ARID1B: variants seen among roughly 807,000 people sequenced by gnomAD.
ARID1B encodes AT-rich interactive domain-containing protein 1B.
A neutral mutation model predicts 212.3 loss-of-function variants in ARID1B; 30 were observed. That is an observed-to-expected ratio of 0.14 (90% CI 0.11 to 0.19). The LOEUF is 0.19. Ranked by LOEUF, ARID1B falls within the 10% of genes least tolerant of loss-of-function variation. The probability of loss-of-function intolerance (pLI) is 1.00; values close to 1 mark genes in which losing one functional copy is unlikely to be tolerated. For missense variants in ARID1B, 2,891 were observed against 3,204.0 expected, an observed-to-expected ratio of 0.90 and a Z score of 2.36; for synonymous variants, 1,402 against 1,301.7, an observed-to-expected ratio of 1.08 and a Z score of -1.66.
In ARID1B at chr6:157,200,554, C is replaced by A; in HGVS notation, c.4480-151C>A. 1 of 844,062 alleles carries A rather than the reference C, an allele frequency of 1.2e-6. No individual in the cohort carries two copies. The highest frequency in any genetic ancestry group is 1.8e-6 in the Non-Finnish European group (1 of 561,512). 52.3% of individuals were successfully genotyped at this position (844,062 alleles called of 1,614,324 possible). ...GTGTATATAATACTGAAATATTGAA[C>A]ATAAATTGTTAGTTCTCTGTTGTTA... is the stretch of plus-strand genomic sequence containing the variant. On this transcript the variant is annotated intron_variant, in intron 17 of 19. Coordinates refer to ENST00000636930, the MANE Select transcript of ARID1B (RefSeq NM_001374828.1). This position sits in a 1 kb window ranked among gnomAD's most constrained non-coding sequence, Gnocchi z 4.3.
Position 156,990,172 on chromosome 6 carries a change from A to AC in ARID1B, c.2247+54597dup. On this transcript the variant is annotated intron_variant, in intron 4 of 19. Coordinates refer to ENST00000636930, the MANE Select transcript of ARID1B (RefSeq NM_001374828.1). ...ACTGGTTACAGAACAGATTTCCTTA[A>AC]CTTTTTTTTTTTTTTTTTTTAAAGA... Among the ~76,000 whole-genome samples, 3 of 123,394 alleles carry AC rather than the reference A, an allele frequency of 2.4e-5. 1 individual carries two copies. The highest frequency in any genetic ancestry group is 5.4e-4 in the South Asian group (2 of 3,690). 81.0% of individuals were successfully genotyped at this position (123,394 alleles called of 152,430 possible). A position where few individuals can be genotyped will look rare whatever the true frequency, so the allele number is the denominator to read the frequency against.
rs1428525651 is a variant in ARID1B at position 157,196,280 on chromosome 6, C to T, written c.4347C>T (p.Arg1449=). 23 of 1,604,402 alleles carry T rather than the reference C, an allele frequency of 1.4e-5. No homozygotes were observed. Among genetic ancestry groups the T allele is most frequent in the Non-Finnish European group, 2.0e-5 (23 of 1,177,802 alleles). ...GAMSNLGMGQ[R]QQFPYGASYD... is the part of the protein sequence containing the mutation. ...TGTCTAACCTGGGCATGGGGCAGCG[C>T]CAGCAGTTTCCCTATGGAGCCAGTT... The change falls in exon 16 of 20, where the codon CGC becomes CGT. Residue 1449 remains arginine (R), a synonymous_variant. Coordinates refer to ENST00000636930, the MANE Select transcript of ARID1B (RefSeq NM_001374828.1).
intron 4 of ARID1B, chr6:156,942,399 C>T (rs901888815): frequency 6.6e-6 from 1 of 152,144 alleles, no homozygotes; most frequent in African/African-American, 2.4e-5. Context: ...TTCCAGTGAC[C>T]TCTGTGAGGC....
At chr6:156,817,578 G>A (rs1782054434) in intron 1 of ARID1B, among the ~76,000 whole-genome samples, 1 of 151,652 alleles carries the variant, frequency 6.6e-6, no homozygotes, top group African/African-American at 2.4e-5. Context: ...TGTGTGAGCT[G>A]ATTGCACCAC....
chr6:157,052,225 C>T (rs1428983359), intron 4 of ARID1B, among the ~76,000 whole-genome samples: 3 of 152,296 alleles, frequency 2.0e-5, no homozygotes, highest in South Asian at 2.1e-4. Flanking sequence ...AACTGATCCT[C>T]GTATATTGTT....
chr6:156,884,241 C>A (rs1252925287), intron 2 of ARID1B, among the ~76,000 whole-genome samples: 1 of 152,146 alleles, frequency 6.6e-6, no homozygotes, highest in African/African-American at 2.4e-5. Flanking sequence ...CATTTGACAG[C>A]CATTACTCTA....
At chr6:156,987,612 G>A (rs910344039) in intron 4 of ARID1B, among the ~76,000 whole-genome samples, 1 of 152,188 alleles carries the variant, frequency 6.6e-6, no homozygotes, top group Non-Finnish European at 1.5e-5. Context: ...TTACAGGCGT[G>A]AGCCACCACG....
At chr6:156,818,315 C>G (rs1782120603) in intron 1 of ARID1B, among the ~76,000 whole-genome samples, 1 of 151,686 alleles carries the variant, frequency 6.6e-6, no homozygotes, top group African/African-American at 2.4e-5. Flanking sequence ...TGGCAAGCAC[C>G]CTTTGTCCCA....
At position 156,955,793 on chromosome 6, in the gene ARID1B, C is replaced by T. The variant is rs1168023777; in HGVS notation, c.2247+20217C>T. 6.6e-6 allele frequency among the ~76,000 whole-genome samples: 1 copy of T among 152,246 alleles called. No homozygotes were observed. The highest frequency in any genetic ancestry group is 1.9e-4 in the East Asian group (1 of 5,182). ...CAAGGCAGAAGATACTCGCCCTGGA[C>T]TTGGGATCTTAGAAATGAAGTAGCC... On this transcript the variant is annotated intron_variant, in intron 4 of 19. Coordinates refer to ENST00000636930, the MANE Select transcript of ARID1B (RefSeq NM_001374828.1). The surrounding 1 kb of genome is among the most constrained non-coding windows in gnomAD (Gnocchi z 4.2).
At chr6:156,940,307 A>G (rs944259224) in intron 4 of ARID1B, 3 of 152,352 alleles carry the variant, frequency 2.0e-5, no homozygotes, top group Admixed American at 6.5e-5. Flanking sequence ...TCTTCCTTAA[A>G]TAGGAAATAT....
intron 6 of ARID1B, among the ~76,000 whole-genome samples, chr6:157,125,219 C>T (rs746309075): frequency 6.6e-6 from 1 of 152,150 alleles, no homozygotes; most frequent in Non-Finnish European, 1.5e-5. Context: ...CAAGTGTAGG[C>T]ACCAGCCTTG....
intron 5 of ARID1B, among the ~76,000 whole-genome samples, chr6:157,089,597 C>T (rs1428325538): frequency 6.6e-6 from 1 of 152,156 alleles, no homozygotes; most frequent in Non-Finnish European, 1.5e-5. Flanking sequence ...AGAATTCAGG[C>T]CTGCTTGTTG....
intron 7 of ARID1B, among the ~76,000 whole-genome samples, chr6:157,136,276 G>A (rs545686380): frequency 1.3e-5 from 2 of 152,300 alleles, no homozygotes; most frequent in East Asian, 3.9e-4. Flanking sequence ...TTAACGGGAA[G>A]CCCTCTGAGG....
At chr6:157,194,406 G>T (rs1793581975) in intron 15 of ARID1B, 1 of 152,226 alleles carries the variant, frequency 6.6e-6, no homozygotes, top group African/African-American at 2.4e-5. Context: ...CTAACAAAAT[G>T]TATCTACTCA....
At chr6:156,887,352 G>A (rs1562460655) in intron 2 of ARID1B, among the ~76,000 whole-genome samples, 1 of 152,172 alleles carries the variant, frequency 6.6e-6, no homozygotes, top group African/African-American at 2.4e-5. Flanking sequence ...GCCAAGTTGG[G>A]TCTTGGACAG....
At chr6:157,081,479 T>C (rs968375313) in intron 4 of ARID1B, among the ~76,000 whole-genome samples, 1 of 152,226 alleles carries the variant, frequency 6.6e-6, no homozygotes, top group African/African-American at 2.4e-5. Context: ...CATATAAAAG[T>C]CGCGTGAGTG....
rs952529428 is a variant in ARID1B, at chr6:156,934,837, T to C, written c.2137-629T>C. Reference sequence around the variant, plus strand: ...GCTACAGCTGACCTCCCTCCCTGTTTTTATGAACTAGTCTTCTTCCTGCAA... The same window carrying C: ...GCTACAGCTGACCTCCCTCCCTGTTCTTATGAACTAGTCTTCTTCCTGCAA... On this transcript the variant is annotated intron_variant, in intron 3 of 19. Coordinates refer to ENST00000636930, the MANE Select transcript of ARID1B (RefSeq NM_001374828.1). Among the ~76,000 whole-genome samples the C allele has an allele frequency of 1.3e-5, 2 of 148,690 alleles. 1 individual carries two copies. The highest frequency in any genetic ancestry group is 5.0e-5 in the African/African-American group (2 of 40,380).
intron 5 of ARID1B, among the ~76,000 whole-genome samples, chr6:157,091,762 C>T (rs1158195290): frequency 1.3e-5 from 2 of 152,088 alleles, no homozygotes; most frequent in Non-Finnish European, 2.9e-5. Context: ...TTTAATTTGG[C>T]CTTAATAAAA....
At chr6:157,071,481 T>C (rs1784000996) in intron 4 of ARID1B, 1 of 152,190 alleles carries the variant, frequency 6.6e-6, no homozygotes, top group African/African-American at 2.4e-5. Context: ...AATAATTGTC[T>C]TAAAAATTAT....
Sources: gnomAD v4.1 joint callset for allele counts (sites outside exome capture counted in the v4.1 genomes callset) on GRCh38, gnomAD v4.1.1 for gene constraint, Gnocchi (gnomAD v3.1) non-coding constraint, MANE v1.5 for transcripts, NCBI Gene and HGNC (gene_info 2026-07-23, HGNC 2026-07-21) for gene names.